SHROOM3: variants seen among roughly 807,000 people sequenced by gnomAD.
SHROOM3 encodes the protein protein Shroom3.
A neutral mutation model predicts 138.6 loss-of-function variants in SHROOM3; 47 were observed. That is an observed-to-expected ratio of 0.34 (90% CI 0.27 to 0.43). The LOEUF (loss-of-function observed/expected upper bound fraction) is 0.43. Ranked by LOEUF, SHROOM3 falls within the 20% of genes least tolerant of loss-of-function variation. SHROOM3 has a pLI of 1.00. For missense variants in SHROOM3, 2,491 were observed against 2,596.5 expected, an observed-to-expected ratio of 0.96 and a Z score of 0.88; for synonymous variants, 1,062 against 1,063.3, an observed-to-expected ratio of 1.00 and a Z score of 0.02.
chr4:76,500,877 G>A (rs1301502484), intron 1 of SHROOM3, among the ~76,000 whole-genome samples: 1 of 152,000 alleles, frequency 6.6e-6, no homozygotes, highest in Non-Finnish European at 1.5e-5. Flanking sequence ...AGTGATCCCA[G>A]CTCACTGTAA....
intron 2 of SHROOM3, among the ~76,000 whole-genome samples, chr4:76,699,156 A>G (rs1560595094): frequency 1.3e-5 from 2 of 152,242 alleles, no homozygotes; most frequent in African/African-American, 4.8e-5. Context: ...CAGAGAGAAT[A>G]GTGGCCAGGA....
At position 76,738,952 on chromosome 4, in the gene SHROOM3, A is replaced by C; in HGVS notation, c.779A>C (p.Tyr260Ser). The C allele has an allele frequency of 6.2e-7, 1 of 1,614,232 alleles. No homozygotes were observed. Among genetic ancestry groups the C allele is most frequent in the Non-Finnish European group, 8.5e-7 (1 of 1,180,034 alleles). The change falls in exon 5 of 11, where the codon TAC becomes TCC. Residue 260 changes from tyrosine to serine, a missense_variant. Tyr to Ser is a moderately radical substitution (Grantham distance 144). Coordinates refer to ENST00000296043, the MANE Select transcript of SHROOM3 (RefSeq NM_020859.4). ...TTCCATAACAAGAGAGACTCGGCTT[A>C]CAGCTCTTTCTCCACCAGTTCTAGC... is the stretch of plus-strand genomic sequence containing the variant. ...SHFHNKRDSA[Y>S]SSFSTSSSIL... is the part of the protein sequence containing the mutation.
chr4:76,670,550 A>C (rs927811997), intron 2 of SHROOM3, among the ~76,000 whole-genome samples: 7 of 152,158 alleles, frequency 4.6e-5, no homozygotes, highest in Non-Finnish European at 8.8e-5. Context: ...TGAATTGTAT[A>C]CTTTTTTTTA....
chr4:76,507,579 C>G (rs915776780), intron 1 of SHROOM3, among the ~76,000 whole-genome samples: 3 of 151,142 alleles, frequency 2.0e-5, no homozygotes, highest in African/African-American at 7.3e-5. Context: ...CTCTGTTGCC[C>G]AGGCTCGAGT....
At chr4:76,611,317 A>C (rs1411476034) in intron 2 of SHROOM3, among the ~76,000 whole-genome samples, 1 of 83,236 alleles carries the variant, frequency 1.2e-5, no homozygotes. Context: ...GAGAGTGTGA[A>C]GGATTTTTTT....
intron 2 of SHROOM3, among the ~76,000 whole-genome samples, chr4:76,693,244 A>AT (rs1719608431): frequency 6.6e-6 from 1 of 152,036 alleles, no homozygotes. Flanking sequence ...ATAATATGTG[A>AT]TTTTGGAGTT....
At chr4:76,648,540 C>T (rs1322007758) in intron 2 of SHROOM3, among the ~76,000 whole-genome samples, 1 of 152,038 alleles carries the variant, frequency 6.6e-6, no homozygotes, top group Non-Finnish European at 1.5e-5. Context: ...CTCGGCCCAC[C>T]CTTTACTGCC....
intron 2 of SHROOM3, among the ~76,000 whole-genome samples, chr4:76,622,394 G>T (rs966298739): frequency 6.6e-6 from 1 of 151,848 alleles, no homozygotes. Flanking sequence ...TCTCAGCAAC[G>T]GAACATTCTT....
intron 1 of SHROOM3, among the ~76,000 whole-genome samples, chr4:76,542,999 A>AT (rs916640639): frequency 6.6e-6 from 1 of 152,162 alleles, no homozygotes; most frequent in Non-Finnish European, 1.5e-5. Flanking sequence ...AATGGCAGAC[A>AT]TTCTGTCCCC....
chr4:76,450,661 A>G (rs994879554), intron 1 of SHROOM3, among the ~76,000 whole-genome samples: 3 of 152,228 alleles, frequency 2.0e-5, no homozygotes, highest in African/African-American at 7.2e-5. Flanking sequence ...TACCCAGAAA[A>G]GGCAATTCTA....
chr4:76,584,225 G>A (rs191777755), intron 2 of SHROOM3, among the ~76,000 whole-genome samples: 2 of 152,240 alleles, frequency 1.3e-5, no homozygotes, highest in East Asian at 3.9e-4. Context: ...GGCTGAGGCA[G>A]GAGAATCTCT....
intron 2 of SHROOM3, among the ~76,000 whole-genome samples, chr4:76,632,152 A>T (rs544047677): frequency 6.6e-6 from 1 of 152,312 alleles, no homozygotes; most frequent in East Asian, 1.9e-4. Context: ...ATTATGTTGG[A>T]TAGACCAATC....
intron 1 of SHROOM3, among the ~76,000 whole-genome samples, chr4:76,515,804 G>A (rs1321453045): frequency 6.6e-6 from 1 of 152,170 alleles, no homozygotes; most frequent in African/African-American, 2.4e-5. Context: ...ATGTTGAGAA[G>A]TCATGTAGGT....
chr4:76,506,565 A>G (rs952312105), intron 1 of SHROOM3, among the ~76,000 whole-genome samples: 1 of 152,194 alleles, frequency 6.6e-6, no homozygotes, highest in Middle Eastern at 3.4e-3. Context: ...TGGGCTCTCA[A>G]TAATGTTATC....
chr4:76,503,467 C>T (rs1389707090), intron 1 of SHROOM3, among the ~76,000 whole-genome samples: 1 of 152,094 alleles, frequency 6.6e-6, no homozygotes, highest in Non-Finnish European at 1.5e-5. Flanking sequence ...CTTACTTTGT[C>T]ACCCAGGCTG....
At chr4:76,767,988 GGTGCA>G (rs1216001101) in intron 9 of SHROOM3, among the ~76,000 whole-genome samples, 1 of 152,148 alleles carries the variant, frequency 6.6e-6, no homozygotes, top group Non-Finnish European at 1.5e-5. Flanking sequence ...TTTTCCTGAG[GGTGCA>G]GTGATAATGT....
chr4:76,741,214 A>T lies in SHROOM3; in HGVS notation c.3041A>T (p.Glu1014Val). ...GGTGCTCGCCGGCGCCTGACTCCCGAGCAGAAGAAGCGCTCCTACTCGGAG... is the reference window on the plus strand; with the variant it reads ...GGTGCTCGCCGGCGCCTGACTCCCGTGCAGAAGAAGCGCTCCTACTCGGAG... ...RRGARRRLTP[E>V]QKKRSYSEPE... Residue 1014 changes from glutamate to valine, a missense_variant, in exon 5 of 11, where the codon GAG becomes GTG. Physicochemically the swap from Glu to Val is moderately radical, Grantham distance 121. Transcript: ENST00000296043. The surrounding 1 kb of genome is among the most constrained non-coding windows in gnomAD (Gnocchi z 6.2). The T allele has an allele frequency of 1.2e-6, 2 of 1,608,348 alleles. No individual in the cohort carries two copies. Among genetic ancestry groups the T allele is most frequent in the Non-Finnish European group, 8.5e-7 (1 of 1,178,146 alleles).
chr4:76,598,713 G>A (rs1302012086), intron 2 of SHROOM3, among the ~76,000 whole-genome samples: 1 of 152,194 alleles, frequency 6.6e-6, no homozygotes, highest in Non-Finnish European at 1.5e-5. Flanking sequence ...ACGTGGGCAG[G>A]GGGTAGCCCT....
chr4:76,623,986 C>T, intron 2 of SHROOM3, among the ~76,000 whole-genome samples: 1 of 152,284 alleles, frequency 6.6e-6, no homozygotes, highest in East Asian at 1.9e-4. Context: ...CTTTTAACCA[C>T]TATCATGTTT....
Sources: allele counts gnomAD v4.1 joint callset (sites outside exome capture counted in the v4.1 genomes callset), GRCh38; gene constraint gnomAD v4.1.1; non-coding constraint Gnocchi (gnomAD v3.1); transcripts MANE v1.5; gene names NCBI Gene and HGNC (gene_info 2026-07-23, HGNC 2026-07-21).